Variants in NUP37 observed in about 807,000 individuals in gnomAD.
The protein encoded by NUP37 is nucleoporin Nup37.
In NUP37, 33 loss-of-function variants were observed where a neutral mutation model predicts 45.4. The ratio of observed to expected loss-of-function variants is 0.73; its 90% confidence interval spans 0.55 to 0.97. The LOEUF is 0.97. Among genes scored for constraint, NUP37 ranks in the 50% least tolerant of loss-of-function variants. NUP37 has a pLI of 0.00. For synonymous variants in NUP37, 127 were observed against 130.7 expected, an observed-to-expected ratio of 0.97 and a Z score of 0.19; for missense variants, 365 against 389.7, an observed-to-expected ratio of 0.94 and a Z score of 0.53.
chr12:102,074,500 G>A, intron 9 of NUP37, 33 bp from the exon 10 acceptor site: 1 of 1,223,456 alleles, frequency 8.2e-7, no homozygotes, highest in Non-Finnish European at 1.2e-6. Context: ...AAGAAGCACA[G>A]TAAGTCCCCA....
intron 6 of NUP37, among the ~76,000 whole-genome samples, chr12:102,079,810 C>T (rs1879280941): frequency 6.6e-6 from 1 of 152,100 alleles, no homozygotes; most frequent in African/African-American, 2.4e-5. Context: ...GAGGAAAAGA[C>T]ACATATTTAC....
At chr12:102,094,882 A>C (rs1477069835) in intron 5 of NUP37, among the ~76,000 whole-genome samples, 2 of 152,120 alleles carry the variant, frequency 1.3e-5, no homozygotes, top group Admixed American at 1.3e-4. Context: ...TAAACTAAAA[A>C]TTCCCTGGTT....
intron 3 of NUP37, among the ~76,000 whole-genome samples, chr12:102,108,942 T>C (rs576062642): frequency 6.6e-6 from 1 of 152,324 alleles, no homozygotes; most frequent in African/African-American, 2.4e-5. Context: ...GAGGTATTAA[T>C]AGCAAAATGA....
chr12:102,097,842 T>C (rs1291961520), intron 5 of NUP37, among the ~76,000 whole-genome samples: 1 of 152,202 alleles, frequency 6.6e-6, no homozygotes, highest in Non-Finnish European at 1.5e-5. Context: ...CCCTAGAATC[T>C]TAATGTCATG....
intron 8 of NUP37, among the ~76,000 whole-genome samples, chr12:102,075,849 A>G (rs1446668369): frequency 6.6e-6 from 1 of 152,032 alleles, no homozygotes; most frequent in Admixed American, 6.6e-5. Context: ...AATCTCCCAT[A>G]AAAGGAGAGG....
intron 6 of NUP37, among the ~76,000 whole-genome samples, chr12:102,083,454 A>G (rs940509839): frequency 6.6e-6 from 1 of 152,254 alleles, no homozygotes; most frequent in Non-Finnish European, 1.5e-5. Flanking sequence ...TTCAGAGCAC[A>G]CACTTAGATA....
intron 5 of NUP37, 96 bp from the exon 6 acceptor site, chr12:102,085,952 G>T: frequency 1.8e-6 from 1 of 556,834 alleles, no homozygotes; most frequent in Non-Finnish European, 3.2e-6. Flanking sequence ...ATTAACTACA[G>T]ATTATAAGAC....
chr12:102,117,251 C>T (rs1053404405), intron 2 of NUP37, among the ~76,000 whole-genome samples: 3 of 151,790 alleles, frequency 2.0e-5, no homozygotes, highest in Non-Finnish European at 4.4e-5. Flanking sequence ...GTCAGGAGTT[C>T]GAGACCAGTC....
At chr12:102,090,365 CT>C (rs1277870801) in intron 5 of NUP37, among the ~76,000 whole-genome samples, 1 of 152,018 alleles carries the variant, frequency 6.6e-6, no homozygotes, top group African/African-American at 2.4e-5. Context: ...TTTTTTCCCC[CT>C]ATAGAAGTGC....
rs543355680 is a variant in NUP37 at position 102,118,710 on chromosome 12, A to G, written c.-65-127T>C. The G allele has an allele frequency of 6.9e-5, 36 of 522,062 alleles. No homozygotes were observed. The South Asian group carries it at 1.0e-3, about 15-fold the overall frequency. 32.3% of individuals were successfully genotyped at this position (522,062 alleles called of 1,614,324 possible). A position where few individuals can be genotyped will look rare whatever the true frequency, so the allele number is the denominator to read the frequency against. ...AAAAGAAACATTTAAAGTACTTATC[A>G]AGGGACAGAAACTGCAGGAAAAATA... On this transcript the variant is annotated intron_variant, in intron 1 of 9. Coordinates refer to ENST00000552283, the MANE Select transcript of NUP37 (RefSeq NM_024057.4).
chr12:102,081,065 G>T (rs899994537), intron 6 of NUP37, among the ~76,000 whole-genome samples: 2 of 152,146 alleles, frequency 1.3e-5, no homozygotes, highest in Non-Finnish European at 2.9e-5. Context: ...TAAGATCTTG[G>T]GCAAACGGCT....
chr12:102,115,488 T>G (rs915996591), intron 2 of NUP37, among the ~76,000 whole-genome samples: 2 of 152,252 alleles, frequency 1.3e-5, no homozygotes, highest in African/African-American at 4.8e-5. Context: ...CTCTGCCCTT[T>G]AACAAAGGTT....
intron 7 of NUP37, 54 bp downstream of exon 7, chr12:102,077,268 C>G (rs1176269555): frequency 6.4e-7 from 1 of 1,571,330 alleles, no homozygotes; most frequent in Admixed American, 1.7e-5. Context: ...GATCATTTAG[C>G]AACAGTTACT....
At chr12:102,074,734 A>C in intron 9 of NUP37, 1 of 437,600 alleles carries the variant, frequency 2.3e-6, no homozygotes, top group Non-Finnish European at 4.0e-6. Context: ...TATTTAAATA[A>C]AGAAGAAAAT....
chr12:102,111,155 T>G (rs957238372), intron 3 of NUP37, among the ~76,000 whole-genome samples: 4 of 152,132 alleles, frequency 2.6e-5, no homozygotes, highest in African/African-American at 9.7e-5. Context: ...CATAACAATG[T>G]GGAAAAATTG....
intron 4 of NUP37, among the ~76,000 whole-genome samples, chr12:102,099,949 T>G (rs1490757506): frequency 1.3e-5 from 2 of 152,084 alleles, no homozygotes; most frequent in Admixed American, 1.3e-4. Context: ...CAGTTCTATA[T>G]AGTACTGCTC....
At chr12:102,119,842 T>C (rs952551903) in intron 1 of NUP37, among the ~76,000 whole-genome samples, 2 of 152,048 alleles carry the variant, frequency 1.3e-5, no homozygotes, top group Non-Finnish European at 1.5e-5. Flanking sequence ...CCTGTAAAAC[T>C]ACAACGGCAG....
In NUP37 at chr12:102,097,226, T is replaced by C. The variant is rs564991056; in HGVS notation, c.449+1880A>G. On this transcript the variant is annotated intron_variant, in intron 5 of 9. Coordinates refer to ENST00000552283, the MANE Select transcript of NUP37 (RefSeq NM_024057.4). ...AAACAATTCACAAAGCTAGGGCTAA[T>C]TAGATGGGAAAATCTCCTTTCATGG... Among the ~76,000 whole-genome samples the C allele has an allele frequency of 5.9e-5, 9 of 152,286 alleles. No individual in the cohort carries two copies. In the South Asian group the frequency reaches 1.9e-3, roughly 32 times the overall value.
chr12:102,113,071 G>A (rs911969856), intron 2 of NUP37, among the ~76,000 whole-genome samples: 1 of 152,176 alleles, frequency 6.6e-6, no homozygotes, highest in Non-Finnish European at 1.5e-5. Context: ...GCCATCTGTC[G>A]CTGGCAATGG....
Sources: gnomAD v4.1 joint callset for allele counts (sites outside exome capture counted in the v4.1 genomes callset) on GRCh38, gnomAD v4.1.1 for gene constraint, MANE v1.5 for transcripts, NCBI Gene and HGNC (gene_info 2026-07-23, HGNC 2026-07-21) for gene names.